The following ADRA1B variants were observed in gnomAD, a reference collection of about 807,000 sequenced individuals.
ADRA1B encodes alpha-1B adrenergic receptor.
In ADRA1B, 17 loss-of-function variants were observed where a neutral mutation model predicts 17.9. The observed-to-expected ratio is 0.95, with a 90% CI of 0.65 to 1.42. The LOEUF (loss-of-function observed/expected upper bound fraction) is 1.42. ADRA1B is among the 40% of genes most tolerant of loss of function. The pLI, the probability that ADRA1B is intolerant of heterozygous loss-of-function variation, is 0.00. For missense variants in ADRA1B, 681 were observed against 722.1 expected, an observed-to-expected ratio of 0.94 and a Z score of 0.65; for synonymous variants, 366 against 327.6, an observed-to-expected ratio of 1.12 and a Z score of -1.27.
At chr5:159,876,220 T>C (rs1197097662) in intron 1 of ADRA1B, among the ~76,000 whole-genome samples, 2 of 152,038 alleles carry the variant, frequency 1.3e-5, no homozygotes, top group Non-Finnish European at 2.9e-5. Flanking sequence ...ATAAGGACTT[T>C]TATTACTTCA....
In ADRA1B at chr5:159,972,496, C is replaced by T; in HGVS notation, c.*4C>T. On this transcript the variant is annotated 3_prime_UTR_variant, in exon 2 of 2. Transcript: ENST00000306675. Reference sequence around the variant, plus strand: ...CCTGGCGCCCGGGCAGTTTTAGGGCCCCCGTGCGCAGCTTTCTTTCCCTGG... The same window carrying T: ...CCTGGCGCCCGGGCAGTTTTAGGGCTCCCGTGCGCAGCTTTCTTTCCCTGG... 7.6e-7 allele frequency: 1 copy of T among 1,318,118 alleles called. No homozygotes were observed. The highest frequency in any genetic ancestry group is 9.8e-7 in the Non-Finnish European group (1 of 1,024,284). The allele number at this position is 1,318,118 out of a possible 1,614,324, so 81.7% of individuals were successfully genotyped here. A position where few individuals can be genotyped will look rare whatever the true frequency, so the allele number is the denominator to read the frequency against.
downstream of ADRA1B, among the ~76,000 whole-genome samples, chr5:159,975,530 A>G (rs1316471742): frequency 2.0e-5 from 3 of 152,232 alleles, no homozygotes; most frequent in African/African-American, 7.2e-5. Flanking sequence ...GACCTTGGAT[A>G]TTTGAAGCCA....
chr5:159,871,297 G>A (rs1246908605), intron 1 of ADRA1B: 1 of 152,200 alleles, frequency 6.6e-6, no homozygotes, highest in Non-Finnish European at 1.5e-5. Context: ...AAACAGCTCA[G>A]TGGCCCATTA....
intron 1 of ADRA1B, chr5:159,947,650 A>G: frequency 1.1e-6 from 1 of 948,544 alleles, no homozygotes; most frequent in Non-Finnish European, 1.3e-6. Context: ...CTATTCATAA[A>G]TGAAATGGGG....
At chr5:159,895,046 G>A (rs970558747) in intron 1 of ADRA1B, among the ~76,000 whole-genome samples, 1 of 152,222 alleles carries the variant, frequency 6.6e-6, no homozygotes, top group Non-Finnish European at 1.5e-5. Flanking sequence ...TAAATGGAAA[G>A]ATGATATCTT....
chr5:159,932,525 A>T (rs1278002229), intron 1 of ADRA1B, among the ~76,000 whole-genome samples: 1 of 152,190 alleles, frequency 6.6e-6, no homozygotes, highest in Non-Finnish European at 1.5e-5. Flanking sequence ...TAACCAATCC[A>T]GTTATGTAAA....
At chr5:159,921,526 T>C (rs942414362) in intron 1 of ADRA1B, among the ~76,000 whole-genome samples, 1 of 151,908 alleles carries the variant, frequency 6.6e-6, no homozygotes, top group Non-Finnish European at 1.5e-5. Context: ...GTGGGGGAAA[T>C]TGGGGGATGC....
chr5:159,963,287 A>AATATATATATATATATATATATATAT (rs1755710789), intron 1 of ADRA1B, among the ~76,000 whole-genome samples: 1 of 89,942 alleles, frequency 1.1e-5, no homozygotes, highest in Non-Finnish European at 2.4e-5. Context: ...AAACAAAAAA[A>AATATATATATATATATATATATATAT]GTATATATAT....
At chr5:159,951,950 A>T (rs1755449947) in intron 1 of ADRA1B, among the ~76,000 whole-genome samples, 1 of 152,088 alleles carries the variant, frequency 6.6e-6, no homozygotes, top group African/African-American at 2.4e-5. Flanking sequence ...ACCTTCTTGG[A>T]GGCCCAGAAC....
At position 159,972,527 on chromosome 5, in the gene ADRA1B, A is replaced by C. The variant is rs923450272; in HGVS notation, c.*35A>C. 10 of 850,802 alleles carry C rather than the reference A, an allele frequency of 1.2e-5. No individual in the cohort carries two copies. In the African/African-American group the frequency reaches 1.9e-4, roughly 16 times the overall value. The allele number at this position is 850,802 out of a possible 1,614,324, so 52.7% of individuals were successfully genotyped here. A position where few individuals can be genotyped will look rare whatever the true frequency, so the allele number is the denominator to read the frequency against. On this transcript the variant is annotated 3_prime_UTR_variant, in exon 2 of 2. Coordinates refer to ENST00000306675, the MANE Select transcript of ADRA1B (RefSeq NM_000679.4). ...GCGCAGCTTTCTTTCCCTGGGGAGG[A>C]AAACATCGTGGGGGGGAGGGGAGGG...
intron 1 of ADRA1B, among the ~76,000 whole-genome samples, chr5:159,957,395 C>T (rs1268798478): frequency 6.6e-6 from 1 of 150,662 alleles, no homozygotes; most frequent in Non-Finnish European, 1.5e-5. Context: ...AGTTCAGCAA[C>T]TCTGTAAGCT....
At chr5:159,871,608 C>G (rs768158250) in intron 1 of ADRA1B, among the ~76,000 whole-genome samples, 1 of 152,060 alleles carries the variant, frequency 6.6e-6, no homozygotes, top group Non-Finnish European at 1.5e-5. Flanking sequence ...GAGCTTAGGG[C>G]CCACCCTAAA....
chr5:159,903,389 C>A (rs1754124133), intron 1 of ADRA1B, among the ~76,000 whole-genome samples: 3 of 152,210 alleles, frequency 2.0e-5, no homozygotes, highest in African/African-American at 7.2e-5. Context: ...AACTGCTTAG[C>A]ATAGCCCTGA....
intron 1 of ADRA1B, among the ~76,000 whole-genome samples, chr5:159,921,746 T>C (rs1168752060): frequency 6.6e-6 from 1 of 152,208 alleles, no homozygotes; most frequent in Non-Finnish European, 1.5e-5. Context: ...TCCATAGTAT[T>C]GGAACAAAAT....
chr5:159,982,121 C>T, the ADRA1B span, among the ~76,000 whole-genome samples: 2 of 152,180 alleles, frequency 1.3e-5, no homozygotes, highest in Non-Finnish European at 1.5e-5. Context: ...GCTAAGGTCC[C>T]GGCCAACAGT....
chr5:159,967,106 G>T (rs1755790081), intron 1 of ADRA1B, among the ~76,000 whole-genome samples: 1 of 152,084 alleles, frequency 6.6e-6, no homozygotes, highest in South Asian at 2.1e-4. Flanking sequence ...CTTAAGTGGA[G>T]TATTTTCACT....
chr5:159,917,205 C>G lies in ADRA1B; in HGVS notation c.300C>G (p.Pro100=). 6.2e-7 allele frequency: 1 copy of G among 1,614,182 alleles called. No homozygotes were observed. The highest frequency in any genetic ancestry group is 8.5e-7 in the Non-Finnish European group (1 of 1,180,046). ...TGCTGTTGAGCTTCACCGTCCTGCC[C>G]TTCTCAGCGGCCCTAGAGGTGCTCG... The part of the protein sequence containing the change: ...ADLLLSFTVL[P]FSAALEVLGY... The change falls in exon 1 of 2, where the codon CCC becomes CCG. Residue 100 remains proline (P), a synonymous_variant. Coordinates refer to ENST00000306675, the MANE Select transcript of ADRA1B (RefSeq NM_000679.4).
chr5:159,982,075 T>C, the ADRA1B span, among the ~76,000 whole-genome samples: 5 of 152,306 alleles, frequency 3.3e-5, no homozygotes, highest in East Asian at 1.9e-4. Context: ...CATCATTCTA[T>C]GAGAAAGTTC....
downstream of ADRA1B, among the ~76,000 whole-genome samples, chr5:159,977,100 C>T (rs146410498): frequency 6.6e-5 from 10 of 152,318 alleles, no homozygotes; most frequent in East Asian, 1.7e-3. Context: ...CCTGAATCAG[C>T]AGTTCCTTTA....
Sources: allele counts gnomAD v4.1 joint callset (sites outside exome capture counted in the v4.1 genomes callset), GRCh38; gene constraint gnomAD v4.1.1; transcripts MANE v1.5; gene names NCBI Gene and HGNC (gene_info 2026-07-23, HGNC 2026-07-21).